Variants in FAM117A observed in about 807,000 individuals in gnomAD.
FAM117A encodes the protein protein FAM117A.
Under a neutral mutation model 44.1 loss-of-function variants are expected in FAM117A, and 21 were observed. That is an observed-to-expected ratio of 0.48 (90% CI 0.34 to 0.69). The LOEUF is 0.69. Among genes scored for constraint, FAM117A ranks in the 30% least tolerant of loss-of-function variants. The probability of loss-of-function intolerance (pLI) is 0.01; values close to 1 mark genes in which losing one functional copy is unlikely to be tolerated. For missense variants in FAM117A, 498 were observed against 589.9 expected, an observed-to-expected ratio of 0.84 and a Z score of 1.61; for synonymous variants, 220 against 238.3, an observed-to-expected ratio of 0.92 and a Z score of 0.71.
At position 49,784,852 on chromosome 17, in the gene FAM117A, T is replaced by C. The variant is rs1183303003; in HGVS notation, c.-621+3645A>G. ...ATTCTAAGCTCCTTTAGGGGAAAGT[T>C]GGTGTTTTGTCCATGGGGTATAACT... is the stretch of plus-strand genomic sequence containing the variant. On this transcript the variant is annotated intron_variant, in intron 1 of 7. Coordinates refer to the FAM117A transcript ENST00000513602. Among the ~76,000 whole-genome samples the C allele has an allele frequency of 3.3e-5, 5 of 152,178 alleles. No homozygotes were observed. The East Asian group carries it at 9.6e-4, about 29-fold the overall frequency.
intron 2 of FAM117A, among the ~76,000 whole-genome samples, chr17:49,731,253 C>G (rs1374502346): frequency 1.3e-5 from 2 of 152,230 alleles, no homozygotes; most frequent in Non-Finnish European, 2.9e-5. Flanking sequence ...TGCCCAATGT[C>G]CCCCAGGGTG....
At chr17:49,753,811 A>G (rs1434788786) in intron 1 of FAM117A, among the ~76,000 whole-genome samples, 1 of 151,920 alleles carries the variant, frequency 6.6e-6, no homozygotes, top group Non-Finnish European at 1.5e-5. Flanking sequence ...CAAACAAAAA[A>G]CCTAATGCTA....
intron 1 of FAM117A, among the ~76,000 whole-genome samples, chr17:49,784,850 G>C (rs2073800850): frequency 6.6e-6 from 1 of 152,234 alleles, no homozygotes; most frequent in Non-Finnish European, 1.5e-5. Flanking sequence ...TTAGGGGAAA[G>C]TTGGTGTTTT....
In FAM117A at chr17:49,732,629, G is replaced by T; in HGVS notation, c.288C>A (p.Leu96=). Reference sequence around the variant, plus strand: ...GCCACTGGCCCAGAAGGTAGGAGCTGAGGATGGTGTCCAGGGAGAATGTAC... The same window carrying T: ...GCCACTGGCCCAGAAGGTAGGAGCTTAGGATGGTGTCCAGGGAGAATGTAC... ...VRRTFSLDTI[L]SSYLLGQWPR... is the part of the protein sequence containing the mutation. The change falls in exon 2 of 8, where the codon CTC becomes CTA. Residue 96 remains leucine (L), a synonymous_variant. Transcript: ENST00000240364. 2 of 1,614,198 alleles carry T rather than the reference G, an allele frequency of 1.2e-6. No homozygotes were observed. The highest frequency in any genetic ancestry group is 1.7e-6 in the Non-Finnish European group (2 of 1,180,044).
chr17:49,721,610 A>G (rs2073534614), intron 3 of FAM117A, among the ~76,000 whole-genome samples: 1 of 152,238 alleles, frequency 6.6e-6, no homozygotes, highest in African/African-American at 2.4e-5. Flanking sequence ...GTGCAGGGTG[A>G]GTCCTATCGA....
upstream of FAM117A, chr17:49,764,141 A>C: frequency 4.6e-5 from 39 of 854,864 alleles, no homozygotes; most frequent in Middle Eastern, 4.3e-4. Context: ...CAGCCCCCCA[A>C]CCCCCGAGGC....
At chr17:49,723,359 G>A (rs776638565) in intron 2 of FAM117A, among the ~76,000 whole-genome samples, 9 of 152,078 alleles carry the variant, frequency 5.9e-5, no homozygotes, top group Non-Finnish European at 1.0e-4. Context: ...TTGCTGCACC[G>A]AAGACAGAGT....
intron 1 of FAM117A, among the ~76,000 whole-genome samples, chr17:49,772,565 C>T (rs2073764248): frequency 6.6e-6 from 1 of 151,822 alleles, no homozygotes; most frequent in African/African-American, 2.4e-5. Flanking sequence ...TCCTGGCTAA[C>T]ACGGTGAAAC....
chr17:49,759,793 A>T (rs968781357), intron 1 of FAM117A, among the ~76,000 whole-genome samples: 11 of 152,260 alleles, frequency 7.2e-5, no homozygotes, highest in Non-Finnish European at 1.6e-4. Context: ...CGTATTCACG[A>T]AACAGCCATC....
chr17:49,788,740 C>G, upstream of FAM117A: 1 of 1,389,300 alleles, frequency 7.2e-7, no homozygotes, highest in South Asian at 1.3e-5. Flanking sequence ...AGGATTGGGA[C>G]TGATACAGAG....
chr17:49,748,674 G>T (rs1219890123), intron 1 of FAM117A, among the ~76,000 whole-genome samples: 1 of 152,116 alleles, frequency 6.6e-6, no homozygotes, highest in Non-Finnish European at 1.5e-5. Flanking sequence ...TAAGTCTAAG[G>T]TACCTACAGG....
intron 1 of FAM117A, among the ~76,000 whole-genome samples, chr17:49,775,331 C>G (rs1220643344): frequency 6.6e-6 from 1 of 152,200 alleles, no homozygotes; most frequent in African/African-American, 2.4e-5. Flanking sequence ...CCAGTTACAT[C>G]CCACCCAACA....
intron 1 of FAM117A, among the ~76,000 whole-genome samples, chr17:49,747,569 A>AC (rs960630358): frequency 6.6e-6 from 1 of 151,966 alleles, no homozygotes; most frequent in African/African-American, 2.4e-5. Context: ...GTTCTTCTCT[A>AC]CCCCCCGCAT....
rs141475843 is a variant in FAM117A at position 49,786,401 on chromosome 17, C to T, written c.-621+2096G>A. Among the ~76,000 whole-genome samples, 115 of 152,296 alleles carry T rather than the reference C, an allele frequency of 7.6e-4. 1 individual carries two copies. The East Asian group carries it at 0.018, about 24-fold the overall frequency. ...TCACCATCTCTGAGCGCTATACATT[C>T]AGAGACTGTAAAACAGTAATGATAT... On this transcript the variant is annotated intron_variant, in intron 1 of 7. Coordinates refer to the FAM117A transcript ENST00000513602.
intron 5 of FAM117A, among the ~76,000 whole-genome samples, chr17:49,719,440 GCA>G (rs955814086): frequency 2.0e-5 from 3 of 152,194 alleles, no homozygotes; most frequent in African/African-American, 7.2e-5. Flanking sequence ...CCGGTGCCGA[GCA>G]CACGGGGAAC....
chr17:49,718,654 G>C lies in FAM117A; in HGVS notation c.709-940C>G, dbSNP rs190938780. On this transcript the variant is annotated intron_variant, in intron 5 of 7. Transcript: ENST00000240364. The stretch of plus-strand genomic sequence containing the variant: ...CCACTGCACTCCAGCCTGGGCGACA[G>C]AGCGAGATTCTGTCTCAAAAAAAAA... Among the ~76,000 whole-genome samples, 288 of 148,962 alleles carry C rather than the reference G, an allele frequency of 1.9e-3. 2 individuals are homozygous for C. Among genetic ancestry groups the C allele is most frequent in the African/African-American group, 6.9e-3 (279 of 40,378 alleles).
chr17:49,717,434 T>A, intron 6 of FAM117A, 79 bp downstream of exon 6: 3 of 1,267,558 alleles, frequency 2.4e-6, no homozygotes, highest in Non-Finnish European at 3.4e-6. Context: ...TAGGCCTGAA[T>A]TGACTAGAGG....
chr17:49,717,331 C>A (rs1351890022), intron 6 of FAM117A, among the ~76,000 whole-genome samples, 182 bp downstream of exon 6: 1 of 152,180 alleles, frequency 6.6e-6, no homozygotes, highest in Non-Finnish European at 1.5e-5. Context: ...AATTATCAAT[C>A]AGAACAGGAT....
At chr17:49,773,694 T>A (rs979065979) in intron 1 of FAM117A, among the ~76,000 whole-genome samples, 24 of 152,132 alleles carry the variant, frequency 1.6e-4, no homozygotes, top group African/African-American at 5.8e-4. Context: ...AGCTACTAAT[T>A]CTTTCAGGAC....
Sources: allele counts gnomAD v4.1 joint callset (sites outside exome capture counted in the v4.1 genomes callset), GRCh38; gene constraint gnomAD v4.1.1; transcripts MANE v1.5; gene names NCBI Gene and HGNC (gene_info 2026-07-23, HGNC 2026-07-21).